The following POLR1C variants were observed in gnomAD, a reference collection of about 807,000 sequenced individuals.
POLR1C encodes the protein RNA polymerase I and III subunit C, also known as DNA-directed RNA polymerases I and III subunit RPAC1.
POLR1C carries 42 observed loss-of-function variants against 38.3 expected under a neutral mutation model. The observed-to-expected ratio is 1.10, with a 90% CI of 0.86 to 1.42. The LOEUF is 1.42. POLR1C is among the 40% of genes most tolerant of loss of function. POLR1C has a pLI of 0.00. For synonymous variants in POLR1C, 163 were observed against 163.9 expected (o/e 0.99, Z 0.04); for missense variants, 507 against 450.5 (o/e 1.13, Z -1.14).
At chr6:43,530,917 A>T (rs1318945121), downstream of POLR1C, 6 of 1,451,848 alleles carry the variant, frequency 4.1e-6, no homozygotes, top group Non-Finnish European at 5.5e-6. Flanking sequence ...AGCCTACAAT[A>T]AGGTTTTTCA....
At chr6:43,529,239 A>C in intron 8 of POLR1C, 6 of 1,389,328 alleles carry the variant, frequency 4.3e-6, no homozygotes, top group Non-Finnish European at 4.8e-6. Flanking sequence ...CATTCTCCTT[A>C]TAATTTCAGG....
chr6:43,546,125 C>T (rs951745612), intron 9 of POLR1C, among the ~76,000 whole-genome samples: 3 of 152,054 alleles, frequency 2.0e-5, no homozygotes, highest in South Asian at 2.1e-4. Context: ...GTTCAGCCAG[C>T]GGTTGTTTGG....
chr6:43,527,844 T>G (rs762480116), intron 8 of POLR1C: 39 of 1,147,742 alleles, frequency 3.4e-5, no homozygotes, highest in Non-Finnish European at 4.5e-5. Flanking sequence ...TGGGTCTTCG[T>G]TTTATGCAAA....
downstream of POLR1C, chr6:43,522,933 G>A (rs749054694): frequency 3.6e-5 from 6 of 168,504 alleles, no homozygotes; most frequent in Non-Finnish European, 6.7e-5. Context: ...AATGGCCTTT[G>A]AGAAAAGTAA....
At chr6:43,539,679 C>T in intron 9 of POLR1C, 1 of 926,264 alleles carries the variant, frequency 1.1e-6, no homozygotes, top group Non-Finnish European at 1.6e-6. Flanking sequence ...CCAGGCCCCC[C>T]CACTGCACCG....
Position 43,520,816 on chromosome 6 carries a change from T to C in POLR1C, c.805+42T>C, listed in dbSNP as rs773752398. The C allele has an allele frequency of 1.6e-5, 26 of 1,611,590 alleles. 1 individual carries two copies. In the South Asian group the frequency reaches 2.9e-4, roughly 18 times the overall value. ...GCTGTTCAAGTTAGGACCTAAATTA[T>C]ATTTTCTTTCAAGGTGACAGAAATA... is the stretch of plus-strand genomic sequence containing the variant. On this transcript the variant is annotated intron_variant, in intron 7 of 8. Coordinates refer to ENST00000642195, the MANE Select transcript of POLR1C (RefSeq NM_203290.4).
chr6:43,557,768 G>T (rs1465647350), intron 10 of POLR1C, among the ~76,000 whole-genome samples: 4 of 106,202 alleles, frequency 3.8e-5, no homozygotes, highest in African/African-American at 1.1e-4. Context: ...AATGAATTTT[G>T]TCTCAATAAA....
chr6:43,520,447 TC>T lies in POLR1C; in HGVS notation c.655+22del. ...GCATTGGTGAGAACCCTGTGTGCCT[TC>T]CTGGGAAGGGGGATAGTTCGGTTGC... On this transcript the variant is annotated intron_variant, in intron 6 of 8. Coordinates refer to ENST00000642195, the MANE Select transcript of POLR1C (RefSeq NM_203290.4). 6.2e-7 allele frequency: 1 copy of T among 1,612,998 alleles called. No homozygotes were observed. Among genetic ancestry groups the T allele is most frequent in the Non-Finnish European group, 8.5e-7 (1 of 1,179,998 alleles).
chr6:43,532,030 T>A (rs541913591), downstream of POLR1C, among the ~76,000 whole-genome samples: 1 of 152,362 alleles, frequency 6.6e-6, no homozygotes, highest in South Asian at 2.1e-4. Flanking sequence ...GTTTTACATT[T>A]CGAGTCCTAT....
downstream of POLR1C, chr6:43,525,079 G>A (rs1366689118): frequency 8.9e-6 from 14 of 1,570,068 alleles, no homozygotes; most frequent in South Asian, 1.2e-5. Flanking sequence ...TTCCATGAGG[G>A]GCAGGGAAAA....
chr6:43,541,505 G>T (rs1794688258), intron 9 of POLR1C, among the ~76,000 whole-genome samples: 1 of 152,156 alleles, frequency 6.6e-6, no homozygotes, highest in South Asian at 2.1e-4. Flanking sequence ...GGTTGCATAA[G>T]TAACCTCTAC....
At chr6:43,546,212 G>C (rs1312026357) in intron 9 of POLR1C, among the ~76,000 whole-genome samples, 2 of 152,048 alleles carry the variant, frequency 1.3e-5, no homozygotes, top group African/African-American at 4.8e-5. Flanking sequence ...CATCATTATA[G>C]AAGGCAACTG....
At chr6:43,525,502 T>G, downstream of POLR1C, 1 of 500,504 alleles carries the variant, frequency 2.0e-6, no homozygotes, top group South Asian at 2.9e-5. Flanking sequence ...TCTATTTTTG[T>G]GTATTGCCAG....
chr6:43,560,952 A>T, intron 10 of POLR1C: 2 of 1,613,982 alleles, frequency 1.2e-6, no homozygotes, highest in Non-Finnish European at 1.7e-6. Context: ...GAAAGCAAGA[A>T]AAGATTCCAG....
At chr6:43,562,163 T>C (rs1220338509) in exon 11 of POLR1C, 12 of 1,087,292 alleles carry the variant, frequency 1.1e-5, no homozygotes, top group African/African-American at 3.1e-5. Flanking sequence ...TCAATGACAT[T>C]TGCAACCCCT....
rs138222527 is a variant in POLR1C at position 43,544,285 on chromosome 6, A to G, written c.*5-6683A>G. 744 of 158,474 alleles carry G rather than the reference A, an allele frequency of 4.7e-3. 5 individuals carry two copies. Among genetic ancestry groups the G allele is most frequent in the African/African-American group, 0.016 (677 of 41,790 alleles). The allele number at this position is 158,474 out of a possible 1,614,324, so 9.8% of individuals were successfully genotyped here. The stretch of plus-strand genomic sequence containing the variant: ...TACCGACAGCAATTATACACTTTCC[A>G]TTGTCTTTCTATAGAAAATAGGAGT... On this transcript the variant is annotated intron_variant, in intron 9 of 10. Transcript: ENST00000607635.
chr6:43,556,293 G>A (rs1762081413), intron 10 of POLR1C, among the ~76,000 whole-genome samples: 1 of 152,244 alleles, frequency 6.6e-6, no homozygotes, highest in Non-Finnish European at 1.5e-5. Context: ...GGAGGCCAAG[G>A]TGGGCAGACT....
chr6:43,554,068 C>CAA (rs1761882795), intron 10 of POLR1C, among the ~76,000 whole-genome samples: 2 of 152,174 alleles, frequency 1.3e-5, no homozygotes. Flanking sequence ...GCACAGCACT[C>CAA]AAATAGCAAG....
chr6:43,539,447 A>T (rs1455821584), intron 9 of POLR1C: 2 of 1,569,824 alleles, frequency 1.3e-6, no homozygotes, highest in Non-Finnish European at 1.7e-6. Context: ...CTTAATGGGC[A>T]GGGAGAAGAG....
Sources: allele counts gnomAD v4.1 joint callset (sites outside exome capture counted in the v4.1 genomes callset), GRCh38; gene constraint gnomAD v4.1.1; transcripts MANE v1.5; gene names NCBI Gene and HGNC (gene_info 2026-07-23, HGNC 2026-07-21).